Variants in OSBPL3 observed in about 807,000 individuals in gnomAD.
The protein encoded by OSBPL3 is oxysterol-binding protein-related protein 3.
Under a neutral mutation model 120.1 loss-of-function variants are expected in OSBPL3, and 65 were observed. The ratio of observed to expected loss-of-function variants is 0.54; its 90% CI spans 0.44 to 0.67. OSBPL3 has a LOEUF of 0.67. Among genes scored for constraint, OSBPL3 ranks in the 30% least tolerant of loss-of-function variants. The probability of loss-of-function intolerance (pLI) is 0.00; values close to 1 mark genes in which losing one functional copy is unlikely to be tolerated. For missense variants in OSBPL3, 1,004 were observed against 1,082.1 expected, an observed-to-expected ratio of 0.93 and a Z score of 1.01; for synonymous variants, 416 against 402.6, an observed-to-expected ratio of 1.03 and a Z score of -0.40.
chr7:24,823,879 T>G (rs1479215315), intron 16 of OSBPL3, among the ~76,000 whole-genome samples: 2 of 152,254 alleles, frequency 1.3e-5, no homozygotes, highest in Admixed American at 1.3e-4. Flanking sequence ...TTCTAAAATC[T>G]ATTAGAGTAG....
chr7:24,861,464 T>C (rs1800521845), intron 10 of OSBPL3, 149 bp downstream of exon 10: 1 of 529,668 alleles, frequency 1.9e-6, no homozygotes, highest in Non-Finnish European at 3.3e-6. Flanking sequence ...TCTCCACTAC[T>C]AGGGAAATAA....
At position 24,872,208 on chromosome 7, in the gene OSBPL3, A is replaced by C. The variant is rs1802222494; in HGVS notation, c.97-139T>G. On this transcript the variant is annotated intron_variant, in intron 2 of 22. Transcript: ENST00000313367. This position sits in a 1 kb window ranked among gnomAD's most constrained non-coding sequence, Gnocchi z 4.1. ...TGTTGGGGAGAAGAAATCCAAATTT[A>C]ATTTCCATACAGTCCCTGGGCTTCA... 1.5e-6 allele frequency: 1 copy of C among 647,630 alleles called. No individual in the cohort carries two copies. The highest frequency in any genetic ancestry group is 1.8e-5 in the African/African-American group (1 of 54,644). The allele number at this position is 647,630 out of a possible 1,614,324, so 40.1% of individuals were successfully genotyped here.
chr7:24,830,733 C>G lies in OSBPL3; in HGVS notation c.1884+35G>C. The G allele has an allele frequency of 6.4e-7, 1 of 1,573,896 alleles. No homozygotes were observed. The highest frequency in any genetic ancestry group is 8.6e-7 in the Non-Finnish European group (1 of 1,163,258). ...CACATTTAATGGGAGACATAAGCAA[C>G]CCCTCCCAACAAGCAAAAAATGGTG... On this transcript the variant is annotated intron_variant, in intron 16 of 22. Coordinates refer to ENST00000313367, the MANE Select transcript of OSBPL3 (RefSeq NM_015550.4). This position sits in a 1 kb window ranked among gnomAD's most constrained non-coding sequence, Gnocchi z 4.4.
In OSBPL3 at chr7:24,872,446, AGAGTGTGTGTGTGTGT is replaced by A. The variant is rs1802276478; in HGVS notation, c.97-393_97-378del. ...CTTCAGTCTGAATTTTAACCGAAAG[AGAGTGTGTGTGTGTGT>A]GTGTGTGTGTGTGTGTGTGTGTGTG... On this transcript the variant is annotated intron_variant, in intron 2 of 22. Coordinates refer to ENST00000313367, the MANE Select transcript of OSBPL3 (RefSeq NM_015550.4). The surrounding 1 kb of genome is among the most constrained non-coding windows in gnomAD (Gnocchi z 4.1). Among the ~76,000 whole-genome samples the A allele has an allele frequency of 1.2e-5, 1 of 83,446 alleles. No individual in the cohort carries two copies. The highest frequency in any genetic ancestry group is 4.7e-4 in the South Asian group (1 of 2,130). 54.7% of individuals were successfully genotyped at this position (83,446 alleles called of 152,430 possible).
rs556609359 is a variant in OSBPL3 at position 24,871,188 on chromosome 7, T to C, written c.268-343A>G. On this transcript the variant is annotated intron_variant, in intron 4 of 22. Coordinates refer to ENST00000313367, the MANE Select transcript of OSBPL3 (RefSeq NM_015550.4). This position sits in a 1 kb window ranked among gnomAD's most constrained non-coding sequence, Gnocchi z 4.8. The stretch of plus-strand genomic sequence containing the variant: ...ACCTGTCAACTGTACCACCTCCCAC[T>C]GAATGAGTTTCTGGTGTCTAAATTC... Among the ~76,000 whole-genome samples, 22 of 152,338 alleles carry C rather than the reference T, an allele frequency of 1.4e-4. No homozygotes were observed. The highest frequency in any genetic ancestry group is 1.0e-4 in the Non-Finnish European group (7 of 68,038).
intron 12 of OSBPL3, among the ~76,000 whole-genome samples, chr7:24,848,776 C>T (rs2128221378): frequency 7.8e-6 from 1 of 128,382 alleles, no homozygotes. Flanking sequence ...AGTTCCCACT[C>T]CAGTACCACT....
chr7:24,945,655 C>T (rs1010402960), intron 1 of OSBPL3, among the ~76,000 whole-genome samples: 3 of 152,168 alleles, frequency 2.0e-5, no homozygotes, highest in East Asian at 1.9e-4. Context: ...AATAGAAGTA[C>T]ACGTAAGACC....
chr7:24,808,408 T>C lies in OSBPL3; in HGVS notation c.2317+1399A>G, dbSNP rs1246962416. Among the ~76,000 whole-genome samples, 1 of 152,082 alleles carries C rather than the reference T, an allele frequency of 6.6e-6. No homozygotes were observed. Among genetic ancestry groups the C allele is most frequent in the Non-Finnish European group, 1.5e-5 (1 of 68,012 alleles). ...ACATAAAGTCAAGGAATAATGACAG[T>C]AACAAAAATTTAAACAGTGTTGCTT... is the stretch of plus-strand genomic sequence containing the variant. On this transcript the variant is annotated intron_variant, in intron 20 of 22. Transcript: ENST00000313367. The surrounding 1 kb of genome is among the most constrained non-coding windows in gnomAD (Gnocchi z 4.6).
At chr7:24,878,755 G>T (rs1803217261) in intron 2 of OSBPL3, among the ~76,000 whole-genome samples, 1 of 152,208 alleles carries the variant, frequency 6.6e-6, no homozygotes, top group Non-Finnish European at 1.5e-5. Context: ...GAAAGGTAGT[G>T]TATGAGCTCT....
intron 1 of OSBPL3, among the ~76,000 whole-genome samples, chr7:24,893,933 T>C (rs867028544): frequency 4.6e-5 from 7 of 152,068 alleles, no homozygotes; most frequent in South Asian, 2.1e-4. Flanking sequence ...CACACTAAGT[T>C]CAAGTAAATT....
At chr7:24,865,087 AATCAGGCATCAGT>A (rs1446201376) in intron 7 of OSBPL3, among the ~76,000 whole-genome samples, 1 of 152,172 alleles carries the variant, frequency 6.6e-6, no homozygotes, top group Non-Finnish European at 1.5e-5. Flanking sequence ...CCCATGTGGA[AATCAGGCATCAGT>A]ATCAGGCATC....
chr7:24,934,782 T>C (rs1285024233), intron 1 of OSBPL3, among the ~76,000 whole-genome samples: 1 of 152,212 alleles, frequency 6.6e-6, no homozygotes, highest in Non-Finnish European at 1.5e-5. Flanking sequence ...CAGTTATGTC[T>C]TCTGTTCCTT....
chr7:24,809,198 G>C (rs1178732416), intron 20 of OSBPL3, among the ~76,000 whole-genome samples: 1 of 152,162 alleles, frequency 6.6e-6, no homozygotes, highest in Non-Finnish European at 1.5e-5. Context: ...CAGAACAATG[G>C]TTTACAATAT....
Position 24,803,786 on chromosome 7 carries a change from T to C in OSBPL3, c.2567+529A>G, listed in dbSNP as rs1792677753. ...ACTCTGTATCAGAAAAAAAAAAAATTATATCTATTTTAACAAGACCTTCTT... is the reference window on the plus strand; with the variant it reads ...ACTCTGTATCAGAAAAAAAAAAAATCATATCTATTTTAACAAGACCTTCTT... On this transcript the variant is annotated intron_variant, in intron 22 of 22. Transcript: ENST00000313367. The surrounding 1 kb of genome is among the most constrained non-coding windows in gnomAD (Gnocchi z 4.2). Among the ~76,000 whole-genome samples, 1 of 151,920 alleles carries C rather than the reference T, an allele frequency of 6.6e-6. No individual in the cohort carries two copies. Among genetic ancestry groups the C allele is most frequent in the South Asian group, 2.1e-4 (1 of 4,802 alleles).
In OSBPL3 at chr7:24,891,001, A is replaced by G. The variant is rs1805263858; in HGVS notation, c.96+1376T>C. On this transcript the variant is annotated intron_variant, in intron 2 of 22. Transcript: ENST00000313367. This position sits in a 1 kb window ranked among gnomAD's most constrained non-coding sequence, Gnocchi z 4.1. ...ATGAATCATGTTCTCCCCCTTTATC[A>G]AAGAAGGACATAACAACCCCTAGGT... 6.6e-6 allele frequency among the ~76,000 whole-genome samples: 1 copy of G among 152,156 alleles called. No homozygotes were observed. Among genetic ancestry groups the G allele is most frequent in the South Asian group, 2.1e-4 (1 of 4,836 alleles).
Position 24,834,804 on chromosome 7 carries a change from G to C in OSBPL3, c.1496-68C>G. 3.6e-6 allele frequency: 5 copies of C among 1,380,750 alleles called. No individual in the cohort carries two copies. The South Asian group carries it at 7.2e-5, about 20-fold the overall frequency. The allele number at this position is 1,380,750 out of a possible 1,614,324, so 85.5% of individuals were successfully genotyped here. A position where few individuals can be genotyped will look rare whatever the true frequency, so the allele number is the denominator to read the frequency against. On this transcript the variant is annotated intron_variant, in intron 14 of 22. Coordinates refer to ENST00000313367, the MANE Select transcript of OSBPL3 (RefSeq NM_015550.4). The surrounding 1 kb of genome is among the most constrained non-coding windows in gnomAD (Gnocchi z 5.2). ...TTTTATTCTATTATTTTTAATCCAC[G>C]AATAAAACCTTACGTAGCAAGTAGT...
chr7:24,875,792 A>G (rs943505589), intron 2 of OSBPL3, among the ~76,000 whole-genome samples: 1 of 151,116 alleles, frequency 6.6e-6, no homozygotes, highest in Non-Finnish European at 1.5e-5. Flanking sequence ...TTATATATAT[A>G]CAAATTTATA....
rs2128086161 is a variant in OSBPL3, at chr7:24,800,067, G to A, written c.*116C>T. ...TAGACTTAAAGAGTTACAATGCTAA[G>A]CTAAGCACAAGTGATCATCCTAGAG... On this transcript the variant is annotated 3_prime_UTR_variant, in exon 23 of 23. Coordinates refer to ENST00000313367, the MANE Select transcript of OSBPL3 (RefSeq NM_015550.4). The A allele has an allele frequency of 3.4e-6, 2 of 587,378 alleles. No individual in the cohort carries two copies. Among genetic ancestry groups the A allele is most frequent in the Non-Finnish European group, 6.2e-6 (2 of 325,138 alleles). The allele number at this position is 587,378 out of a possible 1,614,324, so 36.4% of individuals were successfully genotyped here.
At chr7:24,921,251 G>A (rs1810347280) in intron 1 of OSBPL3, among the ~76,000 whole-genome samples, 1 of 151,812 alleles carries the variant, frequency 6.6e-6, no homozygotes. Context: ...CACGATGTAG[G>A]CTAAAATAGA....
Sources: allele counts gnomAD v4.1 joint callset (sites outside exome capture counted in the v4.1 genomes callset), GRCh38; gene constraint gnomAD v4.1.1; non-coding constraint Gnocchi (gnomAD v3.1); transcripts MANE v1.5; gene names NCBI Gene and HGNC (gene_info 2026-07-23, HGNC 2026-07-21).